GRIP1: variants seen among roughly 807,000 people sequenced by gnomAD.
The protein encoded by GRIP1 is glutamate receptor interacting protein 1.
A neutral mutation model predicts 129.9 loss-of-function variants in GRIP1; 45 were observed. That is an observed-to-expected ratio of 0.35 (90% CI 0.27 to 0.44). The LOEUF (loss-of-function observed/expected upper bound fraction) is 0.44, where lower values mean the gene tolerates loss of function less well. Ranked by LOEUF, GRIP1 falls within the 20% of genes least tolerant of loss-of-function variation. The pLI, the probability that GRIP1 is intolerant of heterozygous loss-of-function variation, is 1.00. For missense variants in GRIP1, 1,196 were observed against 1,396.8 expected, an observed-to-expected ratio of 0.86 and a Z score of 2.29; for synonymous variants, 530 against 520.8, an observed-to-expected ratio of 1.02 and a Z score of -0.24.
At chr12:66,443,774 C>T (rs1246815948) in intron 13 of GRIP1, among the ~76,000 whole-genome samples, 1 of 152,006 alleles carries the variant, frequency 6.6e-6, no homozygotes, top group African/African-American at 2.4e-5. Flanking sequence ...TATTCTTGAC[C>T]CCCTACTGCA....
At chr12:66,866,487 G>GTGAC (rs768810214) in intron 1 of GRIP1, among the ~76,000 whole-genome samples, 2 of 152,054 alleles carry the variant, frequency 1.3e-5, no homozygotes, top group Non-Finnish European at 2.9e-5. Context: ...GTAGAACATG[G>GTGAC]TGACTATAGT....
chr12:66,895,034 AATGTGCCAGATTGTCAGCCTCTGGTACC>A (rs1452905338), intron 1 of GRIP1, among the ~76,000 whole-genome samples: 16 of 152,176 alleles, frequency 1.1e-4, no homozygotes, highest in Admixed American at 9.2e-4. Context: ...TGGAACCCCC[AATGTGCCAGATTGTCAGCCTCTGGTACC>A]ATGTGCCAGA....
chr12:66,811,603 A>T (rs941463542), intron 1 of GRIP1, among the ~76,000 whole-genome samples: 1 of 151,542 alleles, frequency 6.6e-6, no homozygotes, highest in African/African-American at 2.4e-5. Flanking sequence ...TCTCTCTCTG[A>T]TTCTCTCTCT....
chr12:66,432,132 T>A (rs1477782027), intron 14 of GRIP1, among the ~76,000 whole-genome samples: 3 of 152,140 alleles, frequency 2.0e-5, no homozygotes, highest in African/African-American at 7.2e-5. Flanking sequence ...TATTATACGA[T>A]ATACTAATAA....
At chr12:66,614,281 G>T in intron 1 of GRIP1, among the ~76,000 whole-genome samples, 1 of 152,046 alleles carries the variant, frequency 6.6e-6, no homozygotes, top group East Asian at 1.9e-4. Context: ...ACATACAGCC[G>T]TCTATCTGGC....
intron 1 of GRIP1, among the ~76,000 whole-genome samples, chr12:66,937,332 G>A (rs1467097072): frequency 6.6e-6 from 1 of 152,168 alleles, no homozygotes; most frequent in African/African-American, 2.4e-5. Flanking sequence ...TGTGACAATG[G>A]CTTTTCTCAT....
chr12:66,698,720 A>G (rs2035249545), intron 1 of GRIP1, among the ~76,000 whole-genome samples: 1 of 152,146 alleles, frequency 6.6e-6, no homozygotes, highest in South Asian at 2.1e-4. Context: ...CCAGAGGTTA[A>G]TATGAATCTA....
chr12:66,504,472 T>A (rs1434372061), intron 7 of GRIP1, among the ~76,000 whole-genome samples: 1 of 152,088 alleles, frequency 6.6e-6, no homozygotes, highest in Non-Finnish European at 1.5e-5. Context: ...GGTCTCTAAG[T>A]GGGTGTGGGA....
intron 1 of GRIP1, among the ~76,000 whole-genome samples, chr12:66,788,484 T>A (rs7963396): frequency 0.16 from 23,894 of 151,776 alleles, 2,448 homozygotes; most frequent in African/African-American, 0.29. Context: ...GAGTATAGAC[T>A]GGACCTAATG....
intron 1 of GRIP1, among the ~76,000 whole-genome samples, chr12:66,621,809 T>C (rs1002273791): frequency 2.0e-5 from 3 of 152,172 alleles, no homozygotes; most frequent in African/African-American, 7.2e-5. Context: ...AGTGCTATCT[T>C]ACTATGGTTT....
chr12:66,574,267 TA>T (rs2063064733), intron 2 of GRIP1, among the ~76,000 whole-genome samples: 1 of 152,306 alleles, frequency 6.6e-6, no homozygotes, highest in Non-Finnish European at 1.5e-5. Context: ...ATAGCGGTTT[TA>T]AAAAAATTAT....
chr12:66,774,047 T>C (rs2037903722), intron 1 of GRIP1, among the ~76,000 whole-genome samples: 1 of 151,386 alleles, frequency 6.6e-6, no homozygotes, highest in South Asian at 2.1e-4. Context: ...AGTATCAAAG[T>C]TCAAAGTTCA....
At chr12:66,521,390 ATATT>A (rs1427827938) in intron 5 of GRIP1, among the ~76,000 whole-genome samples, 3 of 152,212 alleles carry the variant, frequency 2.0e-5, no homozygotes, top group East Asian at 3.8e-4. Context: ...TGATGCATAC[ATATT>A]TATTAAGATG....
intron 1 of GRIP1, among the ~76,000 whole-genome samples, chr12:67,007,351 T>A (rs1423345371): frequency 1.3e-5 from 2 of 152,198 alleles, no homozygotes; most frequent in African/African-American, 4.8e-5. Flanking sequence ...CAGCATTTAT[T>A]CAGAAAAGTA....
At chr12:66,765,385 T>C (rs908992139) in intron 1 of GRIP1, among the ~76,000 whole-genome samples, 2 of 152,220 alleles carry the variant, frequency 1.3e-5, no homozygotes, top group African/African-American at 4.8e-5. Flanking sequence ...TTCACACTCA[T>C]GACAATCTTT....
Position 66,348,987 on chromosome 12 carries a change from T to G in GRIP1, c.*32A>C, listed in dbSNP as rs771808186. 3 of 1,397,386 alleles carry G rather than the reference T, an allele frequency of 2.1e-6. No homozygotes were observed. Among genetic ancestry groups the G allele is most frequent in the East Asian group, 4.6e-5 (2 of 43,874 alleles). 86.6% of individuals were successfully genotyped at this position (1,397,386 alleles called of 1,614,324 possible). ...AAGGATTTTTAGCACCATGTAGATA[T>G]TGTCTTTTGTCCTGCTTTATAAAAA... is the stretch of plus-strand genomic sequence containing the variant. On this transcript the variant is annotated 3_prime_UTR_variant, in exon 25 of 25. Coordinates refer to ENST00000359742, the MANE Select transcript of GRIP1 (RefSeq NM_001366722.1).
chr12:66,887,760 T>G (rs1002389593), intron 1 of GRIP1, among the ~76,000 whole-genome samples: 1 of 152,166 alleles, frequency 6.6e-6, no homozygotes, highest in Non-Finnish European at 1.5e-5. Flanking sequence ...TTCAATATAC[T>G]AAAAGAAACA....
chr12:66,972,235 T>C (rs898430157), intron 1 of GRIP1, among the ~76,000 whole-genome samples: 8 of 152,200 alleles, frequency 5.3e-5, no homozygotes, highest in African/African-American at 9.7e-5. Flanking sequence ...CTCTTCTACA[T>C]CACTCCAAAA....
chr12:66,702,420 T>G (rs888786094), intron 1 of GRIP1, among the ~76,000 whole-genome samples: 2 of 152,200 alleles, frequency 1.3e-5, no homozygotes, highest in Non-Finnish European at 2.9e-5. Context: ...TCAGTCAGTT[T>G]AAATACCTAG....
Sources: allele counts gnomAD v4.1 joint callset (sites outside exome capture counted in the v4.1 genomes callset), GRCh38; gene constraint gnomAD v4.1.1; transcripts MANE v1.5; gene names NCBI Gene and HGNC (gene_info 2026-07-23, HGNC 2026-07-21).